Variants in BMERB1 observed in about 807,000 individuals in gnomAD.
BMERB1 encodes the protein bMERB domain containing 1, also known as bMERB domain-containing protein 1.
A neutral mutation model predicts 23.6 loss-of-function variants in BMERB1; 12 were observed. The observed-to-expected ratio is 0.51, with a 90% CI of 0.33 to 0.82. The LOEUF is 0.82. Among genes scored for constraint, BMERB1 ranks in the 40% least tolerant of loss-of-function variants. The pLI, the probability that BMERB1 is intolerant of heterozygous loss-of-function variation, is 0.03. For missense variants in BMERB1, 247 were observed against 255.4 expected, an observed-to-expected ratio of 0.97 and a Z score of 0.22; for synonymous variants, 122 against 96.6, an observed-to-expected ratio of 1.26 and a Z score of -1.54.
intron 1 of BMERB1, among the ~76,000 whole-genome samples, chr16:15,492,602 G>C (rs2051431643): frequency 6.6e-6 from 1 of 152,150 alleles, no homozygotes; most frequent in African/African-American, 2.4e-5. Flanking sequence ...TCATCTTGAT[G>C]GGATGTACCA....
At chr16:15,551,770 T>C (rs1161344472) in intron 2 of BMERB1, among the ~76,000 whole-genome samples, 1 of 152,162 alleles carries the variant, frequency 6.6e-6, no homozygotes, top group Non-Finnish European at 1.5e-5. Context: ...CTCAGGAAAC[T>C]TGCAGTCATG....
intron 1 of BMERB1, among the ~76,000 whole-genome samples, chr16:15,454,995 A>G (rs150253913): frequency 1.3e-3 from 198 of 152,240 alleles, no homozygotes; most frequent in African/African-American, 4.5e-3. Flanking sequence ...TAGCATTAAC[A>G]ATCTCTTGCA....
intron 1 of BMERB1, among the ~76,000 whole-genome samples, chr16:15,480,023 A>ATATATATAATATATATATATATATAT (rs567929504): frequency 6.8e-6 from 1 of 147,866 alleles, no homozygotes; most frequent in African/African-American, 2.5e-5. Context: ...ATATATATAT[A>ATATATATAATATATATATATATATAT]ATATATATTT....
intron 1 of BMERB1, among the ~76,000 whole-genome samples, chr16:15,489,533 G>T (rs566354948): frequency 6.6e-6 from 1 of 152,196 alleles, no homozygotes; most frequent in South Asian, 2.1e-4. Context: ...TCTGTGCAGG[G>T]TCATGGCACT....
intron 1 of BMERB1, among the ~76,000 whole-genome samples, chr16:15,503,083 G>C (rs533596217): frequency 6.6e-6 from 1 of 152,170 alleles, no homozygotes; most frequent in East Asian, 1.9e-4. Context: ...ATTATGGATG[G>C]AAAATATTCA....
chr16:15,566,565 C>T (rs2030570166), intron 2 of BMERB1, among the ~76,000 whole-genome samples: 1 of 152,070 alleles, frequency 6.6e-6, no homozygotes, highest in African/African-American at 2.4e-5. Context: ...ACTCTGGAGG[C>T]TGAAGCCAGA....
intron 2 of BMERB1, among the ~76,000 whole-genome samples, chr16:15,528,092 G>A (rs887398841): frequency 2.6e-5 from 4 of 152,076 alleles, no homozygotes; most frequent in East Asian, 1.9e-4. Context: ...GTCTTAGTCC[G>A]TTCCTGTTGC....
intron 2 of BMERB1, among the ~76,000 whole-genome samples, chr16:15,545,752 G>A (rs1483881751): frequency 6.6e-6 from 1 of 152,134 alleles, no homozygotes; most frequent in African/African-American, 2.4e-5. Context: ...CTGATTGGCT[G>A]AGTCTGAGGA....
chr16:15,462,137 CTTTTTTTTTTTTT>C (rs71152431), intron 1 of BMERB1, among the ~76,000 whole-genome samples: 40 of 56,960 alleles, frequency 7.0e-4, no homozygotes, highest in Middle Eastern at 0.016. Context: ...GATGTCCTGC[CTTTTTTTTTTTTT>C]TTTTTTTTTT....
At chr16:15,452,019 G>A (rs147558740) in intron 1 of BMERB1, among the ~76,000 whole-genome samples, 2 of 152,066 alleles carry the variant, frequency 1.3e-5, no homozygotes, top group African/African-American at 2.4e-5. Flanking sequence ...AGTGGCTTAC[G>A]CCTGAAATCC....
intron 1 of BMERB1, among the ~76,000 whole-genome samples, chr16:15,435,154 C>A (rs2050877203): frequency 6.6e-6 from 1 of 152,222 alleles, no homozygotes; most frequent in African/African-American, 2.4e-5. Context: ...TGGAAAGCGC[C>A]CACGTCCCTG....
At position 15,583,176 on chromosome 16, in the gene BMERB1, A is replaced by T; in HGVS notation, c.440A>T (p.Glu147Val). ...CACAGGGAGCAAGAAGAAGACAAGG[A>T]AATGGCTGATTTCCTGAGAATCAAG... ...ERLREQEEDK[E>V]MADFLRIKLK... Residue 147 changes from glutamate (E) to valine (V), a missense_variant, in exon 5 of 6, where the codon GAA becomes GTA. Coordinates refer to ENST00000300006, the MANE Select transcript of BMERB1 (RefSeq NM_033201.3). 1 of 1,613,750 alleles carries T rather than the reference A, an allele frequency of 6.2e-7. No individual in the cohort carries two copies. The highest frequency in any genetic ancestry group is 2.2e-5 in the East Asian group (1 of 44,888).
Position 15,459,063 on chromosome 16 carries a change from G to A in BMERB1, c.106+24304G>A, listed in dbSNP as rs1257872277. Among the ~76,000 whole-genome samples the A allele has an allele frequency of 3.9e-5, 6 of 152,086 alleles. No individual in the cohort carries two copies. In the South Asian group the frequency reaches 1.0e-3, roughly 26 times the overall value. Reference sequence around the variant, plus strand: ...GTGGAGGTTGCAGTGAGCCAAGATCGCGCCACTGCACTCCAGCCCAGGTAA... The same window carrying A: ...GTGGAGGTTGCAGTGAGCCAAGATCACGCCACTGCACTCCAGCCCAGGTAA... On this transcript the variant is annotated intron_variant, in intron 1 of 5. Transcript: ENST00000300006.
intron 2 of BMERB1, among the ~76,000 whole-genome samples, chr16:15,546,642 G>A (rs928722353): frequency 6.6e-6 from 1 of 152,150 alleles, no homozygotes; most frequent in South Asian, 2.1e-4. Flanking sequence ...GTAAGTGTGC[G>A]TTCACCTAAA....
At chr16:15,515,903 T>TA (rs1205238979) in intron 2 of BMERB1, among the ~76,000 whole-genome samples, 1 of 152,162 alleles carries the variant, frequency 6.6e-6, no homozygotes, top group Non-Finnish European at 1.5e-5. Flanking sequence ...GAACGTTCAT[T>TA]ATCTACAGAG....
intron 1 of BMERB1, among the ~76,000 whole-genome samples, chr16:15,505,225 CAG>C (rs1162630848): frequency 4.6e-5 from 7 of 152,202 alleles, no homozygotes; most frequent in African/African-American, 1.4e-4. Flanking sequence ...TATTCTACAA[CAG>C]GGGATGGGAT....
intron 1 of BMERB1, among the ~76,000 whole-genome samples, chr16:15,500,866 G>C (rs546492724): frequency 6.6e-6 from 1 of 152,230 alleles, no homozygotes; most frequent in South Asian, 2.1e-4. Context: ...TGTCCAGGCT[G>C]GTGTCGATCT....
At chr16:15,544,202 G>C (rs1281753101) in intron 2 of BMERB1, among the ~76,000 whole-genome samples, 1 of 152,162 alleles carries the variant, frequency 6.6e-6, no homozygotes, top group Non-Finnish European at 1.5e-5. Flanking sequence ...AGATGCTGAT[G>C]AGTCCACTTT....
chr16:15,486,445 C>T (rs1027104212), intron 1 of BMERB1, among the ~76,000 whole-genome samples: 2 of 152,122 alleles, frequency 1.3e-5, no homozygotes, highest in African/African-American at 4.8e-5. Context: ...TTCTCCATGT[C>T]TCCTCTATTC....
Sources: gnomAD v4.1 joint callset for allele counts (sites outside exome capture counted in the v4.1 genomes callset) on GRCh38, gnomAD v4.1.1 for gene constraint, MANE v1.5 for transcripts, NCBI Gene and HGNC (gene_info 2026-07-23, HGNC 2026-07-21) for gene names.